Variants in CDH11 observed in about 807,000 individuals in gnomAD.
CDH11 encodes the protein cadherin-11.
CDH11 carries 11 observed loss-of-function variants against 67.8 expected under a neutral mutation model. The ratio of observed to expected loss-of-function variants is 0.16; its 90% CI spans 0.10 to 0.27. The LOEUF is 0.27. Ranked by LOEUF, CDH11 falls within the 10% of genes least tolerant of loss-of-function variation. The pLI is 1.00. For synonymous variants in CDH11, 419 were observed against 400.0 expected (o/e 1.05, Z -0.57); for missense variants, 847 against 1,031.2 (o/e 0.82, Z 2.45).
At chr16:64,971,770 GC>G in intron 10 of CDH11, 74 bp from the exon 11 acceptor site, 1 of 1,406,050 alleles carries the variant, frequency 7.1e-7, no homozygotes, top group Non-Finnish European at 1.0e-6. Context: ...TTTCTGGCTG[GC>G]TAGAAAGCCT....
At chr16:65,096,947 T>C (rs181043210) in intron 1 of CDH11, among the ~76,000 whole-genome samples, 22 of 151,952 alleles carry the variant, frequency 1.4e-4, no homozygotes, top group African/African-American at 5.3e-4. Flanking sequence ...TAGAAGACTA[T>C]GCTTTCAGTT....
intron 1 of CDH11, among the ~76,000 whole-genome samples, chr16:65,086,017 G>A (rs566963285): frequency 9.2e-5 from 14 of 152,314 alleles, no homozygotes; most frequent in African/African-American, 2.9e-4. Flanking sequence ...AACTTGATGG[G>A]TCTTGTGGTG....
intron 1 of CDH11, among the ~76,000 whole-genome samples, chr16:65,088,904 C>G (rs1242510788): frequency 6.6e-6 from 1 of 152,130 alleles, no homozygotes; most frequent in Non-Finnish European, 1.5e-5. Flanking sequence ...TCATTCCACC[C>G]AGGTCAGAAT....
chr16:65,079,043 T>C (rs577792987), intron 1 of CDH11, among the ~76,000 whole-genome samples: 10 of 152,342 alleles, frequency 6.6e-5, no homozygotes, highest in Non-Finnish European at 1.2e-4. Context: ...GTCCACTTCA[T>C]GAATTTTGAC....
rs146223623 is a variant in CDH11, at chr16:65,110,831, C to T, written c.-298+11049G>A. 4.6e-5 allele frequency among the ~76,000 whole-genome samples: 7 copies of T among 152,180 alleles called. No individual in the cohort carries two copies. In the East Asian group the frequency reaches 1.4e-3, roughly 29 times the overall value. On this transcript the variant is annotated intron_variant, in intron 1 of 12. Transcript: ENST00000268603. ...TAAAGGTGCTTATTGGGGTTATTTC[C>T]TAAACATAGGAAGGTGGTTCTGAGG... is the stretch of plus-strand genomic sequence containing the variant.
chr16:64,972,857 G>A lies in CDH11; in HGVS notation c.1390+47C>T, dbSNP rs138681057. 1.7e-4 allele frequency: 267 copies of A among 1,598,854 alleles called. 1 individual carries two copies. In the African/African-American group the frequency reaches 2.9e-3, roughly 17 times the overall value. On this transcript the variant is annotated intron_variant, in intron 9 of 12. Coordinates refer to ENST00000268603, the MANE Select transcript of CDH11 (RefSeq NM_001797.4). The stretch of plus-strand genomic sequence containing the variant: ...CTTTCCAGAATATAGAGTCTGAAGC[G>A]ATAATACTTGGTAAAGTAGAATCAA...
At chr16:65,050,063 G>C (rs971301673) in intron 2 of CDH11, among the ~76,000 whole-genome samples, 1 of 152,118 alleles carries the variant, frequency 6.6e-6, no homozygotes, top group African/African-American at 2.4e-5. Context: ...ATTCCTGCTG[G>C]TTATTACTCA....
chr16:65,063,903 C>T (rs1466224258), intron 1 of CDH11, among the ~76,000 whole-genome samples: 1 of 152,152 alleles, frequency 6.6e-6, no homozygotes, highest in African/African-American at 2.4e-5. Context: ...AAAAGCATCC[C>T]ACCTCCCTTT....
intron 12 of CDH11, among the ~76,000 whole-genome samples, chr16:64,949,425 C>CT (rs71143535): frequency 7.5e-4 from 80 of 105,990 alleles, no homozygotes; most frequent in Non-Finnish European, 9.7e-4. Flanking sequence ...TTTTTTTTTT[C>CT]TTTTTTTTTT....
At chr16:65,014,264 A>G (rs1157175366) in intron 2 of CDH11, among the ~76,000 whole-genome samples, 1 of 152,326 alleles carries the variant, frequency 6.6e-6, no homozygotes, top group East Asian at 1.9e-4. Context: ...TTCAATAGAA[A>G]CATAATGTCA....
Position 65,036,366 on chromosome 16 carries a change from C to T in CDH11, c.-173+17438G>A, listed in dbSNP as rs1165332577. Among the ~76,000 whole-genome samples the T allele has an allele frequency of 2.6e-5, 4 of 152,200 alleles. No homozygotes were observed. The East Asian group carries it at 7.8e-4, about 30-fold the overall frequency. On this transcript the variant is annotated intron_variant, in intron 2 of 12. Transcript: ENST00000268603. ...AGGCTTGGCTTTATTCTGCTTGGGA[C>T]TCTAGAGGCAATGGATCTGGTACTC...
At chr16:64,965,191 T>A (rs889623064) in intron 11 of CDH11, among the ~76,000 whole-genome samples, 1 of 102,024 alleles carries the variant, frequency 9.8e-6, no homozygotes. Context: ...AAACCCCATC[T>A]CTACTAAAAA....
chr16:64,988,750 C>A (rs1325753693), intron 6 of CDH11, among the ~76,000 whole-genome samples: 1 of 151,808 alleles, frequency 6.6e-6, no homozygotes, highest in East Asian at 1.9e-4. Context: ...TTGCGAAGAG[C>A]CCAGAAAAAA....
At chr16:65,060,514 A>T (rs889549497) in intron 1 of CDH11, among the ~76,000 whole-genome samples, 1 of 152,170 alleles carries the variant, frequency 6.6e-6, no homozygotes, top group African/African-American at 2.4e-5. Flanking sequence ...TGAGAAGCAG[A>T]CAAAAATAAG....
intron 2 of CDH11, among the ~76,000 whole-genome samples, chr16:65,010,556 G>A (rs1363499358): frequency 1.3e-5 from 2 of 152,112 alleles, no homozygotes; most frequent in Non-Finnish European, 2.9e-5. Context: ...AAAGTACACA[G>A]CAGAGACTGC....
chr16:65,005,890 T>C (rs1457093254), intron 2 of CDH11, among the ~76,000 whole-genome samples: 1 of 152,208 alleles, frequency 6.6e-6, no homozygotes, highest in East Asian at 1.9e-4. Context: ...CACCCAGCCA[T>C]GACTCAGCTA....
chr16:65,044,072 G>C (rs554488615), intron 2 of CDH11, among the ~76,000 whole-genome samples: 5 of 152,164 alleles, frequency 3.3e-5, no homozygotes, highest in Non-Finnish European at 7.3e-5. Flanking sequence ...TTTTGAAAAT[G>C]GATGAGCAGC....
chr16:65,107,168 G>A (rs923727735), intron 1 of CDH11, among the ~76,000 whole-genome samples: 3 of 152,098 alleles, frequency 2.0e-5, no homozygotes, highest in East Asian at 1.9e-4. Context: ...CCCTATAACA[G>A]AGCAATGAAG....
chr16:64,972,165 G>T (rs564562366), intron 9 of CDH11, 101 bp from the exon 10 acceptor site: 6 of 994,214 alleles, frequency 6.0e-6, no homozygotes, highest in Admixed American at 5.9e-5. Flanking sequence ...ACCTATCTGG[G>T]CAGTGCAGGG....
Sources: allele counts gnomAD v4.1 joint callset (sites outside exome capture counted in the v4.1 genomes callset), GRCh38; gene constraint gnomAD v4.1.1; transcripts MANE v1.5; gene names NCBI Gene and HGNC (gene_info 2026-07-23, HGNC 2026-07-21).